The following RHAG variants were observed in gnomAD, a reference collection of about 807,000 sequenced individuals.
The protein encoded by RHAG is ammonium transporter Rh type A.
In RHAG, 25 loss-of-function variants were observed where a neutral mutation model predicts 42.4. The observed-to-expected ratio is 0.59, with a 90% CI of 0.43 to 0.82. The LOEUF is 0.82. RHAG is among the 40% of genes least tolerant of loss of function. The pLI, the probability that RHAG is intolerant of heterozygous loss-of-function variation, is 0.00. For missense variants in RHAG, 483 were observed against 504.6 expected, an observed-to-expected ratio of 0.96 and a Z score of 0.41; for synonymous variants, 182 against 177.7, an observed-to-expected ratio of 1.02 and a Z score of -0.19.
At chr6:49,614,932 A>T in intron 4 of RHAG, 79 bp from the exon 5 acceptor site, 1 of 1,256,966 alleles carries the variant, frequency 8.0e-7, no homozygotes. Context: ...TTATTTATTT[A>T]TTTACTTATT....
intron 1 of RHAG, among the ~76,000 whole-genome samples, chr6:49,630,718 G>A (rs1762923248): frequency 6.6e-6 from 1 of 152,180 alleles, no homozygotes; most frequent in Admixed American, 6.5e-5. Flanking sequence ...TTGTGTGTGT[G>A]TGTACATCTC....
intron 3 of RHAG, among the ~76,000 whole-genome samples, chr6:49,617,609 T>TG (rs368754271): frequency 6.6e-6 from 1 of 152,264 alleles, no homozygotes; most frequent in South Asian, 2.1e-4. Flanking sequence ...TTATTATTCC[T>TG]GGGGGGAATC....
intron 1 of RHAG, among the ~76,000 whole-genome samples, chr6:49,622,843 TG>T (rs201186002): frequency 0.019 from 2,756 of 144,566 alleles, 101 homozygotes; most frequent in Non-Finnish European, 0.03. Flanking sequence ...TTTTTTTTTT[TG>T]TTTTGTTTTG....
At position 49,606,290 on chromosome 6, in the gene RHAG, C is replaced by G. The variant is rs1199381279; in HGVS notation, c.1213-460G>C. 5.3e-5 allele frequency among the ~76,000 whole-genome samples: 8 copies of G among 152,078 alleles called. No homozygotes were observed. The East Asian group carries it at 1.5e-3, about 29-fold the overall frequency. On this transcript the variant is annotated intron_variant, in intron 9 of 9. Coordinates refer to ENST00000371175, the MANE Select transcript of RHAG (RefSeq NM_000324.3). ...AATTTCTTTTGTTTTTTGTTTTTAACCAAATAAACCTGTGGACTATATATG... is the reference window on the plus strand; with the variant it reads ...AATTTCTTTTGTTTTTTGTTTTTAAGCAAATAAACCTGTGGACTATATATG...
chr6:49,636,576 T>G, intron 1 of RHAG, 80 bp downstream of exon 1: 1 of 1,385,002 alleles, frequency 7.2e-7, no homozygotes, highest in Non-Finnish European at 1.0e-6. Flanking sequence ...AGCTCAAGGG[T>G]TTATAGTATT....
chr6:49,634,313 A>G (rs1213653700), intron 1 of RHAG, among the ~76,000 whole-genome samples: 1 of 152,138 alleles, frequency 6.6e-6, no homozygotes, highest in South Asian at 2.1e-4. Context: ...TCTAGTAATT[A>G]TCATTCTACT....
chr6:49,633,560 T>C (rs1025123709), intron 1 of RHAG, among the ~76,000 whole-genome samples: 15 of 152,152 alleles, frequency 9.9e-5, no homozygotes, highest in Non-Finnish European at 1.9e-4. Context: ...TTTTCCAGAA[T>C]TTTGAGTCTT....
At chr6:49,616,601 C>A (rs1243972116) in intron 3 of RHAG, among the ~76,000 whole-genome samples, 1 of 152,128 alleles carries the variant, frequency 6.6e-6, no homozygotes, top group Non-Finnish European at 1.5e-5. Flanking sequence ...CAGTTTTCTA[C>A]ATTTCTTTCC....
chr6:49,615,855 G>A, intron 3 of RHAG, 84 bp from the exon 4 acceptor site: 1 of 1,399,954 alleles, frequency 7.1e-7, no homozygotes, highest in Non-Finnish European at 1.0e-6. Context: ...GAATTGCATT[G>A]TTGGTTAAAC....
chr6:49,610,888 A>G, intron 7 of RHAG, 136 bp downstream of exon 7: 1 of 948,906 alleles, frequency 1.1e-6, no homozygotes, highest in Non-Finnish European at 1.7e-6. Context: ...ATCTTCTCTC[A>G]GGCGCGTCTC....
intron 6 of RHAG, 21 bp downstream of exon 6, chr6:49,612,376 C>G (rs1762582646): frequency 2.5e-6 from 4 of 1,613,748 alleles, no homozygotes; most frequent in Non-Finnish European, 2.5e-6. Context: ...GAGTTTGACT[C>G]AGAACATCTG....
intron 3 of RHAG, 31 bp downstream of exon 3, chr6:49,618,037 G>T (rs747157242): frequency 1.9e-6 from 3 of 1,605,934 alleles, no homozygotes; most frequent in South Asian, 1.1e-5. Context: ...GATGCCCAAA[G>T]CTAGGAAAGT....
In RHAG at chr6:49,615,672, G is replaced by C. The variant is rs756083405; in HGVS notation, c.592C>G (p.His198Asp). 5.0e-6 allele frequency: 8 copies of C among 1,614,044 alleles called. No individual in the cohort carries two copies. Among genetic ancestry groups the C allele is most frequent in the Non-Finnish European group, 5.9e-6 (7 of 1,179,982 alleles). ...ILYRSGLRKG[H>D]ENEESAYYSD... ...TAGTATGCGGACTCTTCATTTTCAT[G>C]CCCCTTTCTCAGTCCAGATCGATAC... The change falls in exon 4 of 10, where the codon CAT (histidine) becomes GAT (aspartate). Residue 198 changes from histidine (H) to aspartate (D), a missense_variant. Coordinates refer to ENST00000371175, the MANE Select transcript of RHAG (RefSeq NM_000324.3).
In RHAG at chr6:49,619,205, T is replaced by C. The variant is rs1201892165; in HGVS notation, c.315A>G (p.Gly105=). 4 of 1,614,046 alleles carry C rather than the reference T, an allele frequency of 2.5e-6. No homozygotes were observed. The highest frequency in any genetic ancestry group is 3.4e-6 in the Non-Finnish European group (4 of 1,179,956). The stretch of plus-strand genomic sequence containing the variant: ...TTTTGATTCCAATGTTAAATTTCTG[T>C]CCCTGGCTTTGCAGGATTCCCTGTA... ...TIVQGILQSQ[G]QKFNIGIKNM... is the part of the protein sequence containing the mutation. The change falls in exon 2 of 10, where the codon GGA becomes GGG. Residue 105 remains glycine (G), a synonymous_variant. Transcript: ENST00000371175.
chr6:49,615,068 C>G, intron 4 of RHAG: 1 of 527,016 alleles, frequency 1.9e-6, no homozygotes, highest in Non-Finnish European at 3.4e-6. Flanking sequence ...CTGCTTCAGC[C>G]TCCTGAGTAG....
At position 49,619,068 on chromosome 6, in the gene RHAG, C is replaced by T. The variant is rs941397538; in HGVS notation, c.341+111G>A. 23 of 1,212,718 alleles carry T rather than the reference C, an allele frequency of 1.9e-5. No homozygotes were observed. In the African/African-American group the frequency reaches 3.3e-4, roughly 17 times the overall value. The allele number at this position is 1,212,718 out of a possible 1,614,324, so 75.1% of individuals were successfully genotyped here. On this transcript the variant is annotated intron_variant, in intron 2 of 9. Coordinates refer to ENST00000371175, the MANE Select transcript of RHAG (RefSeq NM_000324.3). Reference sequence around the variant, plus strand: ...TTCATAAACACTCTGCCTTCATGACCTGGTCACCTCCCCAGTCCCCCACCT... The same window carrying T: ...TTCATAAACACTCTGCCTTCATGACTTGGTCACCTCCCCAGTCCCCCACCT...
intron 5 of RHAG, among the ~76,000 whole-genome samples, 188 bp from the exon 6 acceptor site, chr6:49,612,722 C>T (rs529989860): frequency 6.6e-6 from 1 of 152,192 alleles, no homozygotes; most frequent in Non-Finnish European, 1.5e-5. Context: ...CATTTGGTAT[C>T]TTTCTTGCCG....
chr6:49,611,741 T>TC (rs532183490), intron 6 of RHAG, among the ~76,000 whole-genome samples: 2 of 109,754 alleles, frequency 1.8e-5, no homozygotes, highest in East Asian at 2.4e-4. Flanking sequence ...TAAATCTCTC[T>TC]TTTTTTTTTT....
chr6:49,616,354 C>CAAAAAAAAAAAAAAAAAAAA (rs34416373), intron 3 of RHAG, among the ~76,000 whole-genome samples: 1 of 108,770 alleles, frequency 9.2e-6, no homozygotes, highest in Non-Finnish European at 1.7e-5. Context: ...AATCTCAAAC[C>CAAAAAAAAAAAAAAAAAAAA]AAAAAAAAAA....
Sources: gnomAD v4.1 joint callset for allele counts (sites outside exome capture counted in the v4.1 genomes callset) on GRCh38, gnomAD v4.1.1 for gene constraint, MANE v1.5 for transcripts, NCBI Gene and HGNC (gene_info 2026-07-23, HGNC 2026-07-21) for gene names.